PAIP2B: variants seen among roughly 807,000 people sequenced by gnomAD.
PAIP2B encodes poly(A) binding protein interacting protein 2B.
In PAIP2B, 13 loss-of-function variants were observed where a neutral mutation model predicts 17.0. The ratio of observed to expected loss-of-function variants is 0.76; its 90% CI spans 0.50 to 1.22. The LOEUF is 1.22. PAIP2B is among the 50% of genes most tolerant of loss of function. The pLI is 0.00. For missense variants in PAIP2B, 117 were observed against 144.5 expected (o/e 0.81, Z 0.98); for synonymous variants, 43 against 48.7 (o/e 0.88, Z 0.48).
chr2:71,216,724 C>G (rs999945123), intron 1 of PAIP2B, among the ~76,000 whole-genome samples: 1 of 152,204 alleles, frequency 6.6e-6, no homozygotes, highest in Non-Finnish European at 1.5e-5. Flanking sequence ...AATAAGCCCT[C>G]CAGGTGTTCA....
At chr2:71,224,898 T>G (rs72622623) in intron 1 of PAIP2B, among the ~76,000 whole-genome samples, 22,215 of 152,260 alleles carry the variant, frequency 0.15, 1,876 homozygotes, top group South Asian at 0.29. Context: ...GGTTTTCAGC[T>G]GCAGTCACAG....
chr2:71,219,888 C>A (rs1675533604), intron 1 of PAIP2B, among the ~76,000 whole-genome samples: 1 of 152,212 alleles, frequency 6.6e-6, no homozygotes, highest in Non-Finnish European at 1.5e-5. Context: ...CTCTACTCTT[C>A]TCTCTCAACA....
At chr2:71,226,558 G>C (rs1299966334) in intron 1 of PAIP2B, among the ~76,000 whole-genome samples, 1 of 152,188 alleles carries the variant, frequency 6.6e-6, no homozygotes, top group Non-Finnish European at 1.5e-5. Context: ...AATTTGCCTA[G>C]CATTGTTGCA....
chr2:71,223,696 C>T (rs576570259), intron 1 of PAIP2B, among the ~76,000 whole-genome samples: 1 of 152,206 alleles, frequency 6.6e-6, no homozygotes, highest in East Asian at 1.9e-4. Flanking sequence ...CTCAGCCTCC[C>T]AAAGTGCTGG....
intron 1 of PAIP2B, among the ~76,000 whole-genome samples, chr2:71,204,619 C>A (rs1336285354): frequency 6.6e-6 from 1 of 152,118 alleles, no homozygotes; most frequent in Non-Finnish European, 1.5e-5. Context: ...TGAAATATAT[C>A]TGCTTAACAT....
rs1674435590 is a variant in PAIP2B, at chr2:71,182,883, G to T, written c.*5596C>A. 8.3e-6 allele frequency: 1 copy of T among 120,584 alleles called. No homozygotes were observed. Among genetic ancestry groups the T allele is most frequent in the Non-Finnish European group, 1.7e-5 (1 of 59,140 alleles). 7.5% of individuals were successfully genotyped at this position (120,584 alleles called of 1,614,324 possible). A position where few individuals can be genotyped will look rare whatever the true frequency, so the allele number is the denominator to read the frequency against. ...AAGCCCTGTCCCTCCCCCAAAGAAG[G>T]ATTAATAACTACCAAGTAATGATTA... is the stretch of plus-strand genomic sequence containing the variant. On this transcript the variant is annotated 3_prime_UTR_variant, in exon 4 of 4. Transcript: ENST00000244221.
chr2:71,214,717 G>A (rs1675384857), intron 1 of PAIP2B, among the ~76,000 whole-genome samples: 1 of 152,294 alleles, frequency 6.6e-6, no homozygotes. Flanking sequence ...TGTATCGGGT[G>A]ACTAAGGATG....
In PAIP2B at chr2:71,183,514, TA is replaced by T. The variant is rs1485260220; in HGVS notation, c.*4964del. The T allele has an allele frequency of 2.2e-5, 3 of 136,424 alleles. No individual in the cohort carries two copies. Among genetic ancestry groups the T allele is most frequent in the African/African-American group, 5.7e-5 (2 of 35,374 alleles). The allele number at this position is 136,424 out of a possible 1,614,324, so 8.5% of individuals were successfully genotyped here. On this transcript the variant is annotated 3_prime_UTR_variant, in exon 4 of 4. Coordinates refer to ENST00000244221, the MANE Select transcript of PAIP2B (RefSeq NM_020459.1). ...AGTCCTACGTTCGGAGGGTTCCGTT[TA>T]GACAACAGGAAGTTGGAATCCAAGT...
At chr2:71,218,314 A>G (rs1454161353) in intron 1 of PAIP2B, among the ~76,000 whole-genome samples, 1 of 152,014 alleles carries the variant, frequency 6.6e-6, no homozygotes, top group East Asian at 1.9e-4. Flanking sequence ...AATGATAAAA[A>G]AGATAAAATT....
chr2:71,210,308 A>G (rs1675263352), intron 1 of PAIP2B, among the ~76,000 whole-genome samples: 2 of 152,222 alleles, frequency 1.3e-5, no homozygotes, highest in South Asian at 4.1e-4. Flanking sequence ...GAGACGTACG[A>G]CATGTATATG....
At chr2:71,223,361 A>C (rs2103833651) in intron 1 of PAIP2B, among the ~76,000 whole-genome samples, 1 of 152,092 alleles carries the variant, frequency 6.6e-6, no homozygotes, top group South Asian at 2.1e-4. Context: ...CAGTGAGCTG[A>C]AATCGTGCCA....
intron 3 of PAIP2B, among the ~76,000 whole-genome samples, chr2:71,189,062 GT>G (rs1290945925): frequency 1.4e-5 from 2 of 144,638 alleles, no homozygotes; most frequent in Non-Finnish European, 3.0e-5. Flanking sequence ...CTGGAGTGCA[GT>G]GGTGCAATCT....
chr2:71,200,480 G>A (rs1674950172), intron 2 of PAIP2B, among the ~76,000 whole-genome samples: 3 of 152,120 alleles, frequency 2.0e-5, no homozygotes, highest in South Asian at 2.1e-4. Flanking sequence ...GGCCAGGCAC[G>A]GTGGCTCACG....
intron 1 of PAIP2B, among the ~76,000 whole-genome samples, chr2:71,220,512 T>C (rs1180056542): frequency 1.3e-5 from 2 of 152,358 alleles, no homozygotes; most frequent in Non-Finnish European, 1.5e-5. Flanking sequence ...TTATTTCTAA[T>C]TTCACAACAG....
At chr2:71,211,260 A>G (rs75526050) in intron 1 of PAIP2B, among the ~76,000 whole-genome samples, 3 of 147,340 alleles carry the variant, frequency 2.0e-5, no homozygotes, top group Admixed American at 2.0e-4. Context: ...ACTTGTCTCA[A>G]AAAAAAAAAA....
chr2:71,217,596 A>G (rs1224026849), intron 1 of PAIP2B, among the ~76,000 whole-genome samples: 1 of 152,250 alleles, frequency 6.6e-6, no homozygotes, highest in Non-Finnish European at 1.5e-5. Context: ...TTCAATGGAC[A>G]TGAGGCAGAG....
chr2:71,192,137 C>G (rs1187044209), intron 2 of PAIP2B, among the ~76,000 whole-genome samples: 1 of 152,162 alleles, frequency 6.6e-6, no homozygotes, highest in Non-Finnish European at 1.5e-5. Flanking sequence ...CATGAAAACA[C>G]TGCAAAAGGA....
chr2:71,194,134 T>C (rs950606800), intron 2 of PAIP2B, among the ~76,000 whole-genome samples: 1 of 152,206 alleles, frequency 6.6e-6, no homozygotes, highest in African/African-American at 2.4e-5. Context: ...TGCAGTATAG[T>C]TTGAAGTCAG....
chr2:71,193,149 T>C (rs112348830), intron 2 of PAIP2B, among the ~76,000 whole-genome samples: 41 of 152,304 alleles, frequency 2.7e-4, no homozygotes, highest in African/African-American at 9.9e-4. Context: ...TGGTGTGAAA[T>C]TGTATCTCAT....
Sources: allele counts gnomAD v4.1 joint callset (sites outside exome capture counted in the v4.1 genomes callset), GRCh38; gene constraint gnomAD v4.1.1; transcripts MANE v1.5; gene names NCBI Gene and HGNC (gene_info 2026-07-23, HGNC 2026-07-21).